The following ARSG variants were observed in gnomAD, a reference collection of about 807,000 sequenced individuals.
ARSG encodes ASG.
In ARSG, 37 loss-of-function variants were observed where a neutral mutation model predicts 50.5. The ratio of observed to expected loss-of-function variants is 0.73; its 90% CI spans 0.56 to 0.96. The LOEUF (loss-of-function observed/expected upper bound fraction) is 0.96, where lower values mean the gene tolerates loss of function less well. Ranked by LOEUF, ARSG falls within the 50% of genes least tolerant of loss-of-function variation. ARSG has a pLI of 0.00. For synonymous variants in ARSG, 225 were observed against 254.6 expected (o/e 0.88, Z 1.11); for missense variants, 629 against 675.3 (o/e 0.93, Z 0.76).
At chr17:68,351,808 C>T (rs1057473770) in intron 5 of ARSG, 122 bp downstream of exon 5, 87 of 680,194 alleles carry the variant, frequency 1.3e-4, no homozygotes, top group South Asian at 6.8e-4. Context: ...ATAAGATACA[C>T]GGTACATTCT....
intron 9 of ARSG, among the ~76,000 whole-genome samples, chr17:68,392,815 T>C (rs187600304): frequency 2.1e-3 from 316 of 152,330 alleles, no homozygotes; most frequent in Non-Finnish European, 3.2e-3. Flanking sequence ...CACTACTTTG[T>C]AATGGACTAA....
At chr17:68,346,750 C>G in intron 3 of ARSG, 1 of 1,288,804 alleles carries the variant, frequency 7.8e-7, no homozygotes, top group Non-Finnish European at 1.0e-6. Context: ...CACCTGCACC[C>G]TGGGCCTCCT....
At chr17:68,337,664 C>T (rs2078084415) in intron 2 of ARSG, among the ~76,000 whole-genome samples, 1 of 152,068 alleles carries the variant, frequency 6.6e-6, no homozygotes, top group Non-Finnish European at 1.5e-5. Context: ...GTTGCCCAGG[C>T]TGGAGGGCAA....
At chr17:68,349,694 G>A (rs1388543772) in intron 4 of ARSG, among the ~76,000 whole-genome samples, 1 of 152,126 alleles carries the variant, frequency 6.6e-6, no homozygotes, top group African/African-American at 2.4e-5. Flanking sequence ...AACCAGCCTG[G>A]CCAACATGCT....
chr17:68,360,467 C>T lies in ARSG; in HGVS notation c.704+3663C>T, dbSNP rs535960138. On this transcript the variant is annotated intron_variant, in intron 6 of 11. Transcript: ENST00000621439. ...CTTGACAAGGGGGCCCACCCTGGGA[C>T]TTAGGGAGTTTTTACTTGGGTCTTT... Among the ~76,000 whole-genome samples, 83 of 152,282 alleles carry T rather than the reference C, an allele frequency of 5.5e-4. 1 individual carries two copies. Among genetic ancestry groups the T allele is most frequent in the Middle Eastern group, 3.4e-3 (1 of 294 alleles).
chr17:68,413,046 C>T (rs1016925070), intron 11 of ARSG, among the ~76,000 whole-genome samples: 8 of 151,654 alleles, frequency 5.3e-5, no homozygotes, highest in Non-Finnish European at 8.9e-5. Context: ...AAGTTTTCAA[C>T]TTCTTTGCCT....
At chr17:68,334,092 C>T (rs2077905452) in intron 2 of ARSG, among the ~76,000 whole-genome samples, 1 of 152,140 alleles carries the variant, frequency 6.6e-6, no homozygotes, top group Non-Finnish European at 1.5e-5. Flanking sequence ...GAGGACCTCA[C>T]CCAACCTGTC....
At chr17:68,293,737 T>G (rs1439518052) in intron 1 of ARSG, among the ~76,000 whole-genome samples, 1 of 152,124 alleles carries the variant, frequency 6.6e-6, no homozygotes, top group African/African-American at 2.4e-5. Context: ...TTACACCATG[T>G]TTATAGATAC....
In ARSG at chr17:68,327,924, A is replaced by G. The variant is rs549679981; in HGVS notation, c.219-15680A>G. Among the ~76,000 whole-genome samples, 4 of 152,236 alleles carry G rather than the reference A, an allele frequency of 2.6e-5. No homozygotes were observed. In the East Asian group the frequency reaches 5.8e-4, roughly 22 times the overall value. On this transcript the variant is annotated intron_variant, in intron 2 of 11. Coordinates refer to ENST00000621439, the MANE Select transcript of ARSG (RefSeq NM_001267727.2). ...TTGATCCTGGGTGGCGTCATTGGGA[A>G]TGAGGAGGATCTGAAGGATGCAGGA... is the stretch of plus-strand genomic sequence containing the variant.
intron 8 of ARSG, among the ~76,000 whole-genome samples, chr17:68,370,861 T>G (rs926554429): frequency 1.3e-5 from 2 of 152,220 alleles, no homozygotes; most frequent in African/African-American, 4.8e-5. Flanking sequence ...TTGCTCTTCC[T>G]CCTTCCTTTT....
At chr17:68,377,116 C>G (rs2080188872) in intron 8 of ARSG, among the ~76,000 whole-genome samples, 1 of 152,228 alleles carries the variant, frequency 6.6e-6, no homozygotes, top group Admixed American at 6.5e-5. Flanking sequence ...CCCTCCTCAG[C>G]CTCCCAAAGT....
At chr17:68,259,811 T>C (rs1326119348) in intron 1 of ARSG, among the ~76,000 whole-genome samples, 2 of 152,194 alleles carry the variant, frequency 1.3e-5, no homozygotes, top group African/African-American at 4.8e-5. Context: ...GTCTATTGTA[T>C]TGGACAGTGC....
At chr17:68,344,749 C>T (rs551604262) in intron 3 of ARSG, among the ~76,000 whole-genome samples, 2 of 152,354 alleles carry the variant, frequency 1.3e-5, no homozygotes, top group South Asian at 4.1e-4. Flanking sequence ...TCTCAAAGAG[C>T]TGGACCCCTT....
intron 1 of ARSG, among the ~76,000 whole-genome samples, chr17:68,259,779 T>C (rs2075044422): frequency 6.6e-6 from 1 of 152,234 alleles, no homozygotes; most frequent in African/African-American, 2.4e-5. Flanking sequence ...TTTCAAGTGC[T>C]CAACAGCCCC....
the ARSG span, chr17:68,436,458 T>C: frequency 6.2e-7 from 1 of 1,613,770 alleles, no homozygotes. Flanking sequence ...ATTGGAATGG[T>C]TGATAGAGAG....
At chr17:68,445,191 A>G in the ARSG span, among the ~76,000 whole-genome samples, 1 of 152,016 alleles carries the variant, frequency 6.6e-6, no homozygotes, top group Non-Finnish European at 1.5e-5. Flanking sequence ...AAGTGCTGGG[A>G]TGATAGGCCT....
intron 11 of ARSG, among the ~76,000 whole-genome samples, chr17:68,412,753 TAC>T (rs2082084427): frequency 6.6e-6 from 1 of 152,222 alleles, no homozygotes; most frequent in African/African-American, 2.4e-5. Flanking sequence ...CACTTTCAGG[TAC>T]ACCAATCAGA....
At chr17:68,424,584 C>A (rs748613388), downstream of ARSG, 1 of 502,176 alleles carries the variant, frequency 2.0e-6, no homozygotes, top group Non-Finnish European at 4.1e-6. Flanking sequence ...TTGGCCCAAA[C>A]ACTACTTCCG....
intron 9 of ARSG, among the ~76,000 whole-genome samples, chr17:68,389,794 C>T (rs1205526040): frequency 2.0e-5 from 3 of 152,098 alleles, no homozygotes; most frequent in African/African-American, 7.2e-5. Flanking sequence ...CTCAGCTTCT[C>T]TGTCCCCTGC....
Sources: allele counts gnomAD v4.1 joint callset (sites outside exome capture counted in the v4.1 genomes callset), GRCh38; gene constraint gnomAD v4.1.1; transcripts MANE v1.5; gene names NCBI Gene and HGNC (gene_info 2026-07-23, HGNC 2026-07-21).